SH3D19: variants seen among roughly 807,000 people sequenced by gnomAD.
SH3D19 encodes the protein SH3 domain-containing protein 19.
Under a neutral mutation model 112.1 loss-of-function variants are expected in SH3D19, and 58 were observed. That is an observed-to-expected ratio of 0.52 (90% CI 0.42 to 0.64). The LOEUF (loss-of-function observed/expected upper bound fraction) is 0.64. Among genes scored for constraint, SH3D19 ranks in the 30% least tolerant of loss-of-function variants. The pLI, the probability that SH3D19 is intolerant of heterozygous loss-of-function variation, is 0.00. For missense variants in SH3D19, 1,090 were observed against 1,263.4 expected (o/e 0.86, Z 2.08); for synonymous variants, 391 against 448.5 (o/e 0.87, Z 1.62).
chr4:151,273,603 A>C (rs1369460626), intron 1 of SH3D19, among the ~76,000 whole-genome samples: 2 of 137,462 alleles, frequency 1.5e-5, no homozygotes. Flanking sequence ...AAAAAAAAAA[A>C]AAAAAAAAAA....
At chr4:151,279,280 C>A (rs965437780) in intron 1 of SH3D19, 10 of 196,118 alleles carry the variant, frequency 5.1e-5, no homozygotes, top group Non-Finnish European at 1.0e-4. Context: ...ATTGCCCAGG[C>A]CTCAAGCAGT....
intron 17 of SH3D19, 74 bp from the exon 18 acceptor site, chr4:151,128,430 T>C: frequency 1.5e-6 from 2 of 1,323,872 alleles, no homozygotes; most frequent in East Asian, 2.5e-5. Flanking sequence ...GCTTAAAAAG[T>C]AGTGGGGAAA....
intron 3 of SH3D19, among the ~76,000 whole-genome samples, chr4:151,184,714 A>G (rs1761471574): frequency 6.6e-6 from 1 of 152,098 alleles, no homozygotes; most frequent in Admixed American, 6.6e-5. Flanking sequence ...GCATAGTCAG[A>G]TCTCCTCTTT....
At chr4:151,303,109 T>C (rs1449643641) in intron 1 of SH3D19, among the ~76,000 whole-genome samples, 2 of 152,182 alleles carry the variant, frequency 1.3e-5, no homozygotes, top group African/African-American at 2.4e-5. Flanking sequence ...ATACACACAA[T>C]AAATAAAGCA....
intron 7 of SH3D19, among the ~76,000 whole-genome samples, chr4:151,167,696 A>C (rs1465532916): frequency 6.6e-6 from 1 of 151,408 alleles, no homozygotes; most frequent in Non-Finnish European, 1.5e-5. Flanking sequence ...CCGCCGCCCC[A>C]TCTGGGAAGT....
At chr4:151,298,771 T>C (rs998355795) in intron 1 of SH3D19, among the ~76,000 whole-genome samples, 3 of 152,224 alleles carry the variant, frequency 2.0e-5, no homozygotes, top group East Asian at 1.9e-4. Flanking sequence ...CCTATATTCA[T>C]AGAACTCCCA....
chr4:151,193,888 G>T (rs756683630), intron 2 of SH3D19, among the ~76,000 whole-genome samples: 31 of 152,038 alleles, frequency 2.0e-4, no homozygotes, highest in Non-Finnish European at 3.7e-4. Flanking sequence ...CTTTTCTGGG[G>T]TTATATCTTT....
intron 17 of SH3D19, among the ~76,000 whole-genome samples, chr4:151,128,609 A>G (rs1749936724): frequency 6.6e-6 from 1 of 152,038 alleles, no homozygotes; most frequent in African/African-American, 2.4e-5. Flanking sequence ...CTTTTAAGGG[A>G]TATACAAAGC....
intron 4 of SH3D19, among the ~76,000 whole-genome samples, chr4:151,177,512 C>A (rs936411366): frequency 6.6e-6 from 1 of 152,104 alleles, no homozygotes; most frequent in Admixed American, 6.6e-5. Flanking sequence ...CCATACCCAG[C>A]TAATTTTTGT....
rs1768948025 is a variant in SH3D19, at chr4:151,226,088, T to C, written c.113-2A>G. On this transcript the variant is annotated splice_acceptor_variant, in intron 1 of 19. Coordinates refer to ENST00000604030, the MANE Select transcript of SH3D19 (RefSeq NM_001378122.1). LOFTEE classifies it high-confidence loss of function. ...CTGGTTTATTTCGTTCGTTGCGATC[T>C]GTAGAGAAAGAAGATGGTTACGTGT... 4.9e-6 allele frequency: 6 copies of C among 1,231,690 alleles called. No individual in the cohort carries two copies. The highest frequency in any genetic ancestry group is 6.1e-6 in the Non-Finnish European group (6 of 987,716). 76.3% of individuals were successfully genotyped at this position (1,231,690 alleles called of 1,614,324 possible).
At chr4:151,276,000 A>G (rs1483816784) in intron 1 of SH3D19, among the ~76,000 whole-genome samples, 1 of 151,590 alleles carries the variant, frequency 6.6e-6, no homozygotes, top group African/African-American at 2.4e-5. Context: ...ACGCCACTAC[A>G]CCCAGCTAAT....
intron 1 of SH3D19, among the ~76,000 whole-genome samples, chr4:151,305,438 T>C (rs150722940): frequency 6.6e-6 from 1 of 152,364 alleles, no homozygotes; most frequent in African/African-American, 2.4e-5. Flanking sequence ...CTTTTTATTC[T>C]ATTTAACAGT....
At chr4:151,275,561 G>T (rs1033686413) in intron 1 of SH3D19, among the ~76,000 whole-genome samples, 1 of 151,914 alleles carries the variant, frequency 6.6e-6, no homozygotes, top group East Asian at 1.9e-4. Context: ...TCTTTCCGTC[G>T]CCCAAGCTGG....
At position 151,223,346 on chromosome 4, in the gene SH3D19, C is replaced by G. The variant is rs945174427; in HGVS notation, c.152+2701G>C. 2.6e-5 allele frequency among the ~76,000 whole-genome samples: 4 copies of G among 152,260 alleles called. No homozygotes were observed. In the South Asian group the frequency reaches 8.3e-4, roughly 32 times the overall value. On this transcript the variant is annotated intron_variant, in intron 2 of 19. Transcript: ENST00000604030. Reference sequence around the variant, plus strand: ...TTTCTAAGTTCTGTCATTTCTCCTACATGGGATCCATTATCATCATTTTTT... The same window carrying G: ...TTTCTAAGTTCTGTCATTTCTCCTAGATGGGATCCATTATCATCATTTTTT...
intron 1 of SH3D19, chr4:151,291,340 T>A (rs778972550): frequency 6.2e-7 from 1 of 1,613,800 alleles, no homozygotes. Flanking sequence ...CCTGCGTCCC[T>A]CCTGTGCCTT....
At chr4:151,234,929 T>A (rs1256917244) in intron 1 of SH3D19, among the ~76,000 whole-genome samples, 1 of 151,888 alleles carries the variant, frequency 6.6e-6, no homozygotes. Flanking sequence ...ACTTTTTTTC[T>A]TGTAGACATG....
intron 2 of SH3D19, among the ~76,000 whole-genome samples, chr4:151,206,424 G>A (rs1041578690): frequency 1.3e-5 from 2 of 152,108 alleles, no homozygotes; most frequent in Admixed American, 6.6e-5. Flanking sequence ...CATAAGACAA[G>A]CAATACACTT....
intron 4 of SH3D19, among the ~76,000 whole-genome samples, chr4:151,178,089 T>C (rs190697734): frequency 1.3e-5 from 2 of 152,182 alleles, no homozygotes; most frequent in African/African-American, 4.8e-5. Flanking sequence ...ATTTTTAAAA[T>C]TTTTTGTAGA....
chr4:151,210,347 G>C (rs1765758667), intron 2 of SH3D19, among the ~76,000 whole-genome samples: 1 of 151,272 alleles, frequency 6.6e-6, no homozygotes, highest in South Asian at 2.1e-4. Context: ...CATGTTATGG[G>C]AAAATGTTTA....
Sources: gnomAD v4.1 joint callset for allele counts (sites outside exome capture counted in the v4.1 genomes callset) on GRCh38, gnomAD v4.1.1 for gene constraint, MANE v1.5 for transcripts, NCBI Gene and HGNC (gene_info 2026-07-23, HGNC 2026-07-21) for gene names.